The following GRM7 variants were observed in gnomAD, a reference collection of about 807,000 sequenced individuals.
GRM7 encodes glutamate metabotropic receptor 7, also known as metabotropic glutamate receptor 7.
Under a neutral mutation model 84.5 loss-of-function variants are expected in GRM7, and 35 were observed. That is an observed-to-expected ratio of 0.41 (90% confidence interval 0.32 to 0.55). The LOEUF (loss-of-function observed/expected upper bound fraction) is 0.55, where lower values mean the gene tolerates loss of function less well. Among genes scored for constraint, GRM7 ranks in the 20% least tolerant of loss-of-function variants. The probability of loss-of-function intolerance (pLI) is 0.19; values close to 1 mark genes in which losing one functional copy is unlikely to be tolerated. For missense variants in GRM7, 1,003 were observed against 1,194.6 expected, an observed-to-expected ratio of 0.84 and a Z score of 2.36; for synonymous variants, 487 against 455.1, an observed-to-expected ratio of 1.07 and a Z score of -0.89.
intron 4 of GRM7, among the ~76,000 whole-genome samples, chr3:7,354,694 T>A (rs1693313651): frequency 6.6e-6 from 1 of 152,150 alleles, no homozygotes; most frequent in Non-Finnish European, 1.5e-5. Flanking sequence ...AGAATGGCAG[T>A]GAATTGTCAA....
intron 2 of GRM7, among the ~76,000 whole-genome samples, chr3:7,186,652 C>T (rs1695525625): frequency 6.6e-6 from 1 of 152,182 alleles, no homozygotes; most frequent in Non-Finnish European, 1.5e-5. Flanking sequence ...ATCTATCTTG[C>T]ATGATTTTGT....
chr3:7,453,750 G>A (rs1399536301), intron 6 of GRM7, among the ~76,000 whole-genome samples: 1 of 151,942 alleles, frequency 6.6e-6, no homozygotes, highest in African/African-American at 2.4e-5. Context: ...AGGCATGATC[G>A]ACAACCACGA....
chr3:7,406,499 C>CA (rs201351876), intron 4 of GRM7, among the ~76,000 whole-genome samples: 6,557 of 150,390 alleles, frequency 0.044, 431 homozygotes, highest in African/African-American at 0.14. Context: ...GACTCTGTCT[C>CA]AAAAAAAAAT....
At chr3:7,516,435 C>T (rs1273420952) in intron 7 of GRM7, among the ~76,000 whole-genome samples, 2 of 138,432 alleles carry the variant, frequency 1.4e-5, no homozygotes. Context: ...CGATATCGTG[C>T]CCCTGCACTC....
At chr3:7,082,476 T>A (rs1464943729) in intron 1 of GRM7, among the ~76,000 whole-genome samples, 1 of 152,138 alleles carries the variant, frequency 6.6e-6, no homozygotes, top group Non-Finnish European at 1.5e-5. Context: ...CTCATGAGGA[T>A]GTACAAGGAA....
At chr3:7,034,989 G>T (rs750102839) in intron 1 of GRM7, among the ~76,000 whole-genome samples, 10 of 152,148 alleles carry the variant, frequency 6.6e-5, no homozygotes, top group African/African-American at 2.2e-4. Context: ...ACATGGCTTC[G>T]TGAGATTTGA....
chr3:7,315,971 CA>C (rs990282856), intron 4 of GRM7, among the ~76,000 whole-genome samples: 6 of 152,140 alleles, frequency 3.9e-5, no homozygotes, highest in Admixed American at 2.0e-4. Context: ...CATCAGTGGT[CA>C]GGGGTGTTGC....
At chr3:7,516,164 C>CAAAA (rs35256206) in intron 7 of GRM7, among the ~76,000 whole-genome samples, 361 of 31,394 alleles carry the variant, frequency 0.011, 17 homozygotes, top group Middle Eastern at 0.038. Flanking sequence ...CACCATATCT[C>CAAAA]AAAAAAAAAA....
At chr3:7,704,282 G>A (rs1208046442) in intron 9 of GRM7, among the ~76,000 whole-genome samples, 1 of 152,026 alleles carries the variant, frequency 6.6e-6, no homozygotes, top group African/African-American at 2.4e-5. Flanking sequence ...TAAAACTCAG[G>A]CTTGCTTTCA....
chr3:7,147,491 G>A (rs562332860), intron 2 of GRM7, among the ~76,000 whole-genome samples: 1 of 152,164 alleles, frequency 6.6e-6, no homozygotes, highest in African/African-American at 2.4e-5. Context: ...AATTTAAAGT[G>A]TTATTTACCA....
intron 8 of GRM7, among the ~76,000 whole-genome samples, chr3:7,592,914 A>T (rs1043193107): frequency 1.8e-4 from 27 of 152,102 alleles, no homozygotes; most frequent in African/African-American, 5.3e-4. Context: ...TCAAGCACCA[A>T]CCCTACCCTT....
chr3:7,412,692 C>G (rs1370551743), intron 4 of GRM7, among the ~76,000 whole-genome samples: 1 of 152,066 alleles, frequency 6.6e-6, no homozygotes, highest in Non-Finnish European at 1.5e-5. Context: ...AACATGTAAC[C>G]AATGGGGCAT....
At chr3:7,451,097 A>G (rs1312603652) in intron 5 of GRM7, among the ~76,000 whole-genome samples, 1 of 152,178 alleles carries the variant, frequency 6.6e-6, no homozygotes, top group African/African-American at 2.4e-5. Flanking sequence ...GTGCCGTAGG[A>G]AACAATTTGG....
At chr3:7,059,389 A>G (rs1039975551) in intron 1 of GRM7, among the ~76,000 whole-genome samples, 1 of 151,736 alleles carries the variant, frequency 6.6e-6, no homozygotes, top group African/African-American at 2.4e-5. Context: ...TAAGCCACAG[A>G]TTTTTAAAAC....
At chr3:7,635,816 G>A (rs1355562273) in intron 8 of GRM7, among the ~76,000 whole-genome samples, 2 of 152,052 alleles carry the variant, frequency 1.3e-5, no homozygotes, top group African/African-American at 4.8e-5. Flanking sequence ...TGGGACTACA[G>A]ACATATGCCA....
At chr3:7,104,741 A>G (rs1040921472) in intron 1 of GRM7, among the ~76,000 whole-genome samples, 5 of 151,766 alleles carry the variant, frequency 3.3e-5, no homozygotes, top group Non-Finnish European at 7.4e-5. Context: ...TCTTCTGACA[A>G]TCCTAGGAGA....
chr3:6,893,237 A>G (rs1216423104), intron 1 of GRM7, among the ~76,000 whole-genome samples: 1 of 152,202 alleles, frequency 6.6e-6, no homozygotes, highest in Non-Finnish European at 1.5e-5. Flanking sequence ...GTGTGAGCAG[A>G]GCCACTTACC....
At chr3:7,668,436 A>T (rs1699787842) in intron 8 of GRM7, among the ~76,000 whole-genome samples, 2 of 152,200 alleles carry the variant, frequency 1.3e-5, no homozygotes, top group South Asian at 4.1e-4. Context: ...GAGGAGATAC[A>T]CTACTCTCTC....
At chr3:7,657,282 G>A (rs1699247586) in intron 8 of GRM7, among the ~76,000 whole-genome samples, 1 of 152,164 alleles carries the variant, frequency 6.6e-6, no homozygotes, top group Non-Finnish European at 1.5e-5. Flanking sequence ...AAAATAAAAA[G>A]ATAAATGGTA....
Sources: gnomAD v4.1 joint callset for allele counts (sites outside exome capture counted in the v4.1 genomes callset) on GRCh38, gnomAD v4.1.1 for gene constraint, MANE v1.5 for transcripts, NCBI Gene and HGNC (gene_info 2026-07-23, HGNC 2026-07-21) for gene names.